The following RPH3A variants were observed in gnomAD, a reference collection of about 807,000 sequenced individuals.
RPH3A encodes the protein rabphilin-3A.
A neutral mutation model predicts 102.2 loss-of-function variants in RPH3A; 48 were observed. That is an observed-to-expected ratio of 0.47 (90% CI 0.37 to 0.60). The LOEUF (loss-of-function observed/expected upper bound fraction) is 0.60, where lower values mean the gene tolerates loss of function less well. Among genes scored for constraint, RPH3A ranks in the 20% least tolerant of loss-of-function variants. RPH3A has a pLI of 0.00. For missense variants in RPH3A, 781 were observed against 910.1 expected (o/e 0.86, Z 1.83); for synonymous variants, 310 against 324.3 (o/e 0.96, Z 0.47).
At chr12:112,852,073 G>A (rs1272605840) in intron 5 of RPH3A, among the ~76,000 whole-genome samples, 1 of 152,230 alleles carries the variant, frequency 6.6e-6, no homozygotes, top group African/African-American at 2.4e-5. Flanking sequence ...GGCTAGGTTT[G>A]CTCACTCAGC....
intron 1 of RPH3A, among the ~76,000 whole-genome samples, chr12:112,621,930 A>AC (rs1422778454): frequency 1.3e-5 from 2 of 149,964 alleles, no homozygotes; most frequent in African/African-American, 2.5e-5. Flanking sequence ...ACTGGGAGGC[A>AC]CCCCCCAGCA....
At chr12:112,657,507 A>T (rs2040021518) in intron 1 of RPH3A, among the ~76,000 whole-genome samples, 1 of 152,216 alleles carries the variant, frequency 6.6e-6, no homozygotes, top group Non-Finnish European at 1.5e-5. Context: ...AACTGATGGC[A>T]TAATAAATTT....
chr12:112,704,023 G>A (rs1359539760), intron 1 of RPH3A, among the ~76,000 whole-genome samples: 1 of 151,930 alleles, frequency 6.6e-6, no homozygotes, highest in Non-Finnish European at 1.5e-5. Context: ...GAAGGGAAAG[G>A]CATACAGTTT....
chr12:112,823,564 A>G (rs2041818240), intron 2 of RPH3A, among the ~76,000 whole-genome samples: 1 of 152,202 alleles, frequency 6.6e-6, no homozygotes, highest in Non-Finnish European at 1.5e-5. Context: ...TAGGGAGTGT[A>G]GCTGATGCTT....
At chr12:112,679,367 A>T (rs1022022692) in intron 1 of RPH3A, among the ~76,000 whole-genome samples, 1 of 151,644 alleles carries the variant, frequency 6.6e-6, no homozygotes, top group African/African-American at 2.4e-5. Flanking sequence ...GTTAGTCAGG[A>T]TGGTCTCAAT....
Position 112,768,651 on chromosome 12 carries a change from G to A in RPH3A, c.-139-23492G>A, listed in dbSNP as rs1285225173. ...TAGAGGGCTGGATACAGTGGCTAATGCCTATAATCTCAGCCATCTGGGAGG... is the reference window on the plus strand; with the variant it reads ...TAGAGGGCTGGATACAGTGGCTAATACCTATAATCTCAGCCATCTGGGAGG... On this transcript the variant is annotated intron_variant, in intron 1 of 21. Transcript: ENST00000543106. Among the ~76,000 whole-genome samples the A allele has an allele frequency of 2.0e-5, 3 of 152,328 alleles. No homozygotes were observed. The East Asian group carries it at 5.8e-4, about 29-fold the overall frequency.
At chr12:112,892,275 T>G (rs1350423617) in intron 19 of RPH3A, among the ~76,000 whole-genome samples, 4 of 152,148 alleles carry the variant, frequency 2.6e-5, no homozygotes, top group Non-Finnish European at 5.9e-5. Context: ...ATACTGTATA[T>G]TAGTTCAGGT....
chr12:112,880,088 T>C (rs183873625), intron 14 of RPH3A, among the ~76,000 whole-genome samples: 3 of 152,340 alleles, frequency 2.0e-5, no homozygotes, highest in Admixed American at 1.3e-4. Context: ...GAATGATAAA[T>C]GAGGTATGAA....
At chr12:112,682,807 T>G (rs2040236594) in intron 1 of RPH3A, among the ~76,000 whole-genome samples, 1 of 152,240 alleles carries the variant, frequency 6.6e-6, no homozygotes, top group Non-Finnish European at 1.5e-5. Flanking sequence ...TAGATTTTGA[T>G]GGGCAGTTAA....
upstream of RPH3A, among the ~76,000 whole-genome samples, chr12:112,787,763 G>A (rs1273543620): frequency 6.6e-5 from 10 of 152,174 alleles, no homozygotes; most frequent in Admixed American, 1.3e-4. Flanking sequence ...ATTGTTGGGA[G>A]GATGAGATGA....
chr12:112,776,346 G>A (rs1018065287), intron 1 of RPH3A, among the ~76,000 whole-genome samples: 1 of 152,118 alleles, frequency 6.6e-6, no homozygotes, highest in Admixed American at 6.5e-5. Context: ...CGCTCTTATT[G>A]CTCACTAGTC....
intron 1 of RPH3A, among the ~76,000 whole-genome samples, chr12:112,749,911 A>G (rs1288932136): frequency 6.6e-6 from 1 of 152,118 alleles, no homozygotes; most frequent in East Asian, 1.9e-4. Flanking sequence ...TTTTTGAAGG[A>G]ACCTCACCAA....
chr12:112,883,479 C>T, intron 16 of RPH3A, 77 bp downstream of exon 16: 5 of 987,380 alleles, frequency 5.1e-6, no homozygotes, highest in South Asian at 2.7e-5. Context: ...TGGGGTGAGG[C>T]CCCCAGGGCT....
At chr12:112,772,349 G>A (rs2040932342) in intron 1 of RPH3A, among the ~76,000 whole-genome samples, 1 of 152,178 alleles carries the variant, frequency 6.6e-6, no homozygotes, top group Non-Finnish European at 1.5e-5. Context: ...CAAGGCGAGG[G>A]GTTGTCCTGT....
chr12:112,804,541 G>A (rs1053931666), intron 2 of RPH3A, among the ~76,000 whole-genome samples: 4 of 152,242 alleles, frequency 2.6e-5, no homozygotes, highest in African/African-American at 7.2e-5. Flanking sequence ...GGATGTATGT[G>A]TGCACCAGGC....
intron 1 of RPH3A, among the ~76,000 whole-genome samples, chr12:112,719,322 C>G (rs2040536253): frequency 6.6e-6 from 1 of 152,166 alleles, no homozygotes; most frequent in Non-Finnish European, 1.5e-5. Context: ...GACCCATTAT[C>G]AAACCATCCA....
At chr12:112,889,307 C>T (rs1305400434) in intron 17 of RPH3A, among the ~76,000 whole-genome samples, 1 of 152,224 alleles carries the variant, frequency 6.6e-6, no homozygotes, top group Non-Finnish European at 1.5e-5. Flanking sequence ...AATGGCCAGG[C>T]CCTTGCCTGT....
chr12:112,643,964 C>T (rs1195989441), intron 1 of RPH3A, among the ~76,000 whole-genome samples: 1 of 152,142 alleles, frequency 6.6e-6, no homozygotes, highest in Non-Finnish European at 1.5e-5. Context: ...ACTACTCAGC[C>T]ATAAAAAGAA....
At chr12:112,798,118 T>C (rs191184296) in intron 2 of RPH3A, among the ~76,000 whole-genome samples, 20 of 152,334 alleles carry the variant, frequency 1.3e-4, no homozygotes, top group Middle Eastern at 6.8e-3. Context: ...TGTCTTGCTG[T>C]CATTGGTTTT....
Sources: gnomAD v4.1 joint callset for allele counts (sites outside exome capture counted in the v4.1 genomes callset) on GRCh38, gnomAD v4.1.1 for gene constraint, MANE v1.5 for transcripts, NCBI Gene and HGNC (gene_info 2026-07-23, HGNC 2026-07-21) for gene names.